Variants in IL17RA observed in about 807,000 individuals in gnomAD.
IL17RA encodes interleukin 17 receptor A, also known as interleukin-17 receptor A.
Under a neutral mutation model 50.4 loss-of-function variants are expected in IL17RA, and 34 were observed. The ratio of observed to expected loss-of-function variants is 0.67; its 90% CI spans 0.51 to 0.90. The LOEUF is 0.90. Ranked by LOEUF, IL17RA falls within the 40% of genes least tolerant of loss-of-function variation. The probability of loss-of-function intolerance (pLI) is 0.00; values close to 1 mark genes in which losing one functional copy is unlikely to be tolerated. For missense variants in IL17RA, 1,276 were observed against 1,169.8 expected (o/e 1.09, Z -1.32); for synonymous variants, 585 against 510.4 (o/e 1.15, Z -1.97).
In IL17RA at chr22:17,109,507, A is replaced by G; in HGVS notation, c.2288A>G (p.Gln763Arg). 1 of 1,601,482 alleles carries G rather than the reference A, an allele frequency of 6.2e-7. No homozygotes were observed. Among genetic ancestry groups the G allele is most frequent in the Non-Finnish European group, 8.5e-7 (1 of 1,173,550 alleles). Residue 763 changes from glutamine (Q) to arginine (R), a missense_variant, in exon 13 of 13, where the codon CAG (glutamine) becomes CGG (arginine). Gln to Arg is a conservative substitution (Grantham distance 43). Transcript: ENST00000319363. Reference protein sequence around the residue: ...LSLFEQSLSCQAQGGCSRPAM... With the variant: ...LSLFEQSLSCRAQGGCSRPAM... ...CTCTTCGAGCAGAGTCTGAGCTGCC[A>G]GGCCCAGGGGGGCTGCAGTAGACCC...
chr22:17,106,031 T>G, intron 11 of IL17RA, 77 bp downstream of exon 11: 1 of 1,130,144 alleles, frequency 8.8e-7, no homozygotes, highest in Non-Finnish European at 1.3e-6. Context: ...GGCAAATCGC[T>G]TTATTCTCAG....
intron 12 of IL17RA, 76 bp downstream of exon 12, chr22:17,107,844 G>A (rs564231531): frequency 3.7e-5 from 48 of 1,310,712 alleles, no homozygotes; most frequent in Admixed American, 8.4e-5. Flanking sequence ...TGCGTGGGTC[G>A]CCTCCTGTGC....
chr22:17,108,625 G>A lies in IL17RA; in HGVS notation c.1406G>A (p.Cys469Tyr). 1 of 1,605,038 alleles carries A rather than the reference G, an allele frequency of 6.2e-7. No homozygotes were observed. Among genetic ancestry groups the A allele is most frequent in the South Asian group, 1.1e-5 (1 of 91,076 alleles). Residue 469 changes from cysteine to tyrosine, a missense_variant, in exon 13 of 13, where the codon TGC (cysteine) becomes TAC (tyrosine). Cys to Tyr is a radical substitution (Grantham distance 194). Coordinates refer to ENST00000319363, the MANE Select transcript of IL17RA (RefSeq NM_014339.7). Reference sequence around the variant, plus strand: ...CGGGGGGCGCCTGTGCGGCTGCGCTGCGACCACGGAAAGCCCGTGGGGGAC... The same window carrying A: ...CGGGGGGCGCCTGTGCGGCTGCGCTACGACCACGGAAAGCCCGTGGGGGAC... ...LGRGAPVRLR[C>Y]DHGKPVGDLF...
intron 10 of IL17RA, 118 bp downstream of exon 10, chr22:17,105,720 T>C (rs11089412): frequency 7.2e-5 from 50 of 690,680 alleles, no homozygotes; most frequent in South Asian, 1.5e-4. Flanking sequence ...CAGCCCGGGG[T>C]GGGGGGTGAG....
intron 1 of IL17RA, among the ~76,000 whole-genome samples, chr22:17,091,227 TAA>T (rs2061346693): frequency 6.6e-6 from 1 of 152,224 alleles, no homozygotes; most frequent in African/African-American, 2.4e-5. Context: ...ACATATATGT[TAA>T]GTCTTTTCAT....
intron 12 of IL17RA, 71 bp downstream of exon 12, chr22:17,107,839 G>A (rs1388255916): frequency 7.2e-7 from 1 of 1,394,966 alleles, no homozygotes. Flanking sequence ...ATAAGTGCGT[G>A]GGTCGCCTCC....
At chr22:17,089,925 G>A (rs1194976162) in intron 1 of IL17RA, among the ~76,000 whole-genome samples, 3 of 150,036 alleles carry the variant, frequency 2.0e-5, no homozygotes, top group Non-Finnish European at 4.4e-5. Flanking sequence ...CTATTGGAGA[G>A]GAATTTGTTG....
In IL17RA at chr22:17,109,516, G is replaced by A. The variant is rs1450910603; in HGVS notation, c.2297G>A (p.Gly766Glu). The A allele has an allele frequency of 6.3e-7, 1 of 1,599,474 alleles. No individual in the cohort carries two copies. ...FEQSLSCQAQ[G>E]GCSRPAMVLT... The stretch of plus-strand genomic sequence containing the variant: ...CAGAGTCTGAGCTGCCAGGCCCAGG[G>A]GGGCTGCAGTAGACCCGCCATGGTC... The change falls in exon 13 of 13, where the codon GGG (glycine) becomes GAG (glutamate). Residue 766 changes from glycine to glutamate, a missense_variant. By Grantham distance (98) the Gly-to-Glu change is moderately conservative. Transcript: ENST00000319363.
chr22:17,085,407 C>G lies in IL17RA; in HGVS notation c.138+178C>G, dbSNP rs554338363. 2.6e-5 allele frequency: 19 copies of G among 730,520 alleles called. No individual in the cohort carries two copies. In the South Asian group the frequency reaches 8.0e-4, roughly 31 times the overall value. The allele number at this position is 730,520 out of a possible 1,614,324, so 45.3% of individuals were successfully genotyped here. ...TATCGCGGCGCCTGGGGAGGACCCTCGGAGCGGTGGGAGTTGCGGTGTGGA... is the reference window on the plus strand; with the variant it reads ...TATCGCGGCGCCTGGGGAGGACCCTGGGAGCGGTGGGAGTTGCGGTGTGGA... On this transcript the variant is annotated intron_variant, in intron 1 of 12. Coordinates refer to ENST00000319363, the MANE Select transcript of IL17RA (RefSeq NM_014339.7).
chr22:17,109,171 A>G lies in IL17RA; in HGVS notation c.1952A>G (p.Glu651Gly). 1 of 1,529,178 alleles carries G rather than the reference A, an allele frequency of 6.5e-7. No homozygotes were observed. Among genetic ancestry groups the G allele is most frequent in the Middle Eastern group, 2.3e-4 (1 of 4,412 alleles). 94.7% of individuals were successfully genotyped at this position (1,529,178 alleles called of 1,614,324 possible). ...GGAGGAGCAGCAGTGGCAAAGCTGG[A>G]ACCTCACCTGCAGCCCCGGGGTCAG... is the stretch of plus-strand genomic sequence containing the variant. ...EEGGAAVAKLEPHLQPRGQPA... is the reference protein window; with the variant it reads ...EEGGAAVAKLGPHLQPRGQPA... The change falls in exon 13 of 13, where the codon GAA (glutamate) becomes GGA (glycine). Residue 651 changes from glutamate to glycine, a missense_variant. Transcript: ENST00000319363.
chr22:17,104,676 A>G lies in IL17RA; in HGVS notation c.847-50A>G, dbSNP rs374467653. ...ACATTGCCGCTGCTGGCTGGAAGGCATGGGCGCTCTACAGTTCTGGAGCCC... is the reference window on the plus strand; with the variant it reads ...ACATTGCCGCTGCTGGCTGGAAGGCGTGGGCGCTCTACAGTTCTGGAGCCC... On this transcript the variant is annotated intron_variant, in intron 8 of 12. Transcript: ENST00000319363. 12 of 1,550,884 alleles carry G rather than the reference A, an allele frequency of 7.7e-6. No homozygotes were observed. In the African/African-American group the frequency reaches 1.1e-4, roughly 14 times the overall value.
At chr22:17,100,750 C>T (rs1296484362) in intron 5 of IL17RA, among the ~76,000 whole-genome samples, 1 of 152,206 alleles carries the variant, frequency 6.6e-6, no homozygotes, top group Non-Finnish European at 1.5e-5. Context: ...GAGCACCTCC[C>T]TCTATCTAGA....
Position 17,104,712 on chromosome 22 carries a change from C to G in IL17RA, c.847-14C>G, listed in dbSNP as rs201410617. On this transcript the variant is annotated splice_polypyrimidine_tract_variant and intron_variant, in intron 8 of 12. Transcript: ENST00000319363. Reference sequence around the variant, plus strand: ...ACAGTTCTGGAGCCCTTTTCCTGCCCTCTCTGCCCGCAGATCCAGCCCTTC... The same window carrying G: ...ACAGTTCTGGAGCCCTTTTCCTGCCGTCTCTGCCCGCAGATCCAGCCCTTC... 125 of 1,613,666 alleles carry G rather than the reference C, an allele frequency of 7.7e-5. 1 individual carries two copies. Among genetic ancestry groups the G allele is most frequent in the Middle Eastern group, 5.0e-4 (3 of 6,042 alleles).
chr22:17,110,447 G>A lies in IL17RA; in HGVS notation c.*627G>A, dbSNP rs771009907. 129 of 155,466 alleles carry A rather than the reference G, an allele frequency of 8.3e-4. No individual in the cohort carries two copies. Among genetic ancestry groups the A allele is most frequent in the Admixed American group, 1.6e-3 (27 of 16,480 alleles). 9.6% of individuals were successfully genotyped at this position (155,466 alleles called of 1,614,324 possible). Reference sequence around the variant, plus strand: ...TGGGAGGCAGAGGTTGCAGTGAGCCGAGATTGTGCCATTGCACTGCAGCCT... The same window carrying A: ...TGGGAGGCAGAGGTTGCAGTGAGCCAAGATTGTGCCATTGCACTGCAGCCT... On this transcript the variant is annotated 3_prime_UTR_variant, in exon 13 of 13. Transcript: ENST00000319363.
At chr22:17,091,503 C>T (rs1411143033) in intron 1 of IL17RA, among the ~76,000 whole-genome samples, 9 of 151,054 alleles carry the variant, frequency 6.0e-5, no homozygotes, top group East Asian at 3.9e-4. Flanking sequence ...AGTGAAACCC[C>T]GTCTCTACTA....
chr22:17,103,016 C>T (rs2061397353), intron 7 of IL17RA, among the ~76,000 whole-genome samples: 1 of 152,112 alleles, frequency 6.6e-6, no homozygotes, highest in South Asian at 2.1e-4. Flanking sequence ...CTGGCACACG[C>T]CTGTAATCCC....
chr22:17,108,682 C>T lies in IL17RA; in HGVS notation c.1463C>T (p.Pro488Leu), dbSNP rs1385636355. The change falls in exon 13 of 13, where the codon CCG (proline) becomes CTG (leucine). Residue 488 changes from proline (P) to leucine (L), a missense_variant. Transcript: ENST00000319363. ...ACTGCAGCCATGAACATGATCCTCC[C>T]GGACTTCAAGAGGCCAGCCTGCTTC... ...LFTAAMNMIL[P>L]DFKRPACFGT... is the part of the protein sequence containing the mutation. The T allele has an allele frequency of 6.2e-7, 1 of 1,608,620 alleles. No homozygotes were observed. The highest frequency in any genetic ancestry group is 2.2e-5 in the East Asian group (1 of 44,852).
rs942164738 is a variant in IL17RA at position 17,111,789 on chromosome 22, G to T, written c.*1969G>T. 3 of 152,178 alleles carry T rather than the reference G, an allele frequency of 2.0e-5. No homozygotes were observed. The highest frequency in any genetic ancestry group is 7.2e-5 in the African/African-American group (3 of 41,434). The allele number at this position is 152,178 out of a possible 1,614,324, so 9.4% of individuals were successfully genotyped here. A position where few individuals can be genotyped will look rare whatever the true frequency, so the allele number is the denominator to read the frequency against. On this transcript the variant is annotated 3_prime_UTR_variant, in exon 13 of 13. Coordinates refer to ENST00000319363, the MANE Select transcript of IL17RA (RefSeq NM_014339.7). ...ATCAATAAAAGTGCATAAATTTGTT[G>T]ATCTGGTAAGAGTTTCTAGCAGGAA...
At chr22:17,104,853 G>C in intron 9 of IL17RA, 43 bp downstream of exon 9, 1 of 1,579,232 alleles carries the variant, frequency 6.3e-7, no homozygotes, top group Non-Finnish European at 8.7e-7. Flanking sequence ...GGGAGAACAA[G>C]TGGCTGAAGG....
Sources: gnomAD v4.1 joint callset for allele counts (sites outside exome capture counted in the v4.1 genomes callset) on GRCh38, gnomAD v4.1.1 for gene constraint, MANE v1.5 for transcripts, NCBI Gene and HGNC (gene_info 2026-07-23, HGNC 2026-07-21) for gene names.